The following SPACA1 variants were observed in gnomAD, a reference collection of about 807,000 sequenced individuals.
SPACA1 encodes sperm acrosome membrane-associated protein 1.
SPACA1 carries 17 observed loss-of-function variants against 32.6 expected under a neutral mutation model. The observed-to-expected ratio is 0.52, with a 90% CI of 0.36 to 0.78. The LOEUF is 0.78. SPACA1 is among the 30% of genes least tolerant of loss of function. The pLI, the probability that SPACA1 is intolerant of heterozygous loss-of-function variation, is 0.01. For synonymous variants in SPACA1, 140 were observed against 138.1 expected, an observed-to-expected ratio of 1.01 and a Z score of -0.10; for missense variants, 363 against 373.4, an observed-to-expected ratio of 0.97 and a Z score of 0.23.
At chr6:88,049,169 TGACTAGGAAAGAA>T (rs1462178576) in intron 1 of SPACA1, among the ~76,000 whole-genome samples, 4 of 152,210 alleles carry the variant, frequency 2.6e-5, no homozygotes, top group Non-Finnish European at 4.4e-5. Flanking sequence ...AAAAGAAAGA[TGACTAGGAAAGAA>T]GAGAACACGT....
intron 3 of SPACA1, among the ~76,000 whole-genome samples, chr6:88,058,043 A>T (rs1775836602): frequency 6.6e-6 from 1 of 152,180 alleles, no homozygotes; most frequent in African/African-American, 2.4e-5. Flanking sequence ...GTAGATTGGT[A>T]GACTTTAAAA....
intron 2 of SPACA1, among the ~76,000 whole-genome samples, chr6:88,056,221 G>T (rs1350316407): frequency 6.6e-6 from 1 of 152,002 alleles, no homozygotes; most frequent in Non-Finnish European, 1.5e-5. Flanking sequence ...GGGCGTAGTG[G>T]CACGCGCCTG....
chr6:88,063,998 TTA>T (rs1299821445), intron 5 of SPACA1, 99 bp from the exon 6 acceptor site: 3 of 1,330,640 alleles, frequency 2.3e-6, no homozygotes, highest in Non-Finnish European at 3.0e-6. Flanking sequence ...AAGCATTTCT[TTA>T]TGTTTCTAGA....
chr6:88,066,200 C>T lies in SPACA1; in HGVS notation c.750C>T (p.Phe250=), dbSNP rs769146558. Residue 250 remains phenylalanine (F), a synonymous_variant, in exon 7 of 7, where the codon TTC becomes TTT. Transcript: ENST00000237201. ...IIINWAAVKA[F]WGAKASTPEV... ...CTTCCAGGGCAGCAGTCAAGGCTTT[C>T]TGGGGGGCAAAAGCCTCTACACCTG... The T allele has an allele frequency of 6.3e-7, 1 of 1,587,922 alleles. No individual in the cohort carries two copies. Among genetic ancestry groups the T allele is most frequent in the Admixed American group, 1.7e-5 (1 of 57,498 alleles).
At chr6:88,061,956 C>T (rs1775904414) in intron 5 of SPACA1, among the ~76,000 whole-genome samples, 1 of 152,172 alleles carries the variant, frequency 6.6e-6, no homozygotes, top group Non-Finnish European at 1.5e-5. Flanking sequence ...TCTCCACCCT[C>T]TCTCAGCTAA....
In SPACA1 at chr6:88,048,008, G is replaced by A; in HGVS notation, c.103G>A (p.Ala35Thr). 9 of 1,589,626 alleles carry A rather than the reference G, an allele frequency of 5.7e-6. No individual in the cohort carries two copies. Among genetic ancestry groups the A allele is most frequent in the Non-Finnish European group, 7.7e-6 (9 of 1,170,134 alleles). Residue 35 changes from alanine to threonine, a missense_variant, in exon 1 of 7, where the codon GCC (alanine) becomes ACC (threonine). Ala to Thr is a moderately conservative substitution (Grantham distance 58). Coordinates refer to ENST00000237201, the MANE Select transcript of SPACA1 (RefSeq NM_030960.3). ...CGCGCGCGGGACCAACGTCACCGCT[G>A]CCGTCCAGGATGCCGGCCTGGCCCA... ...QSARGTNVTA[A>T]VQDAGLAHEG... is the part of the protein sequence containing the mutation.
upstream of SPACA1, chr6:88,047,679 G>C (rs971432609): frequency 7.8e-6 from 4 of 513,412 alleles, no homozygotes; most frequent in African/African-American, 2.0e-5. Context: ...CTTGTCGCAC[G>C]CGGCTTCTCG....
At chr6:88,050,619 T>A (rs1056765365) in intron 1 of SPACA1, among the ~76,000 whole-genome samples, 1 of 152,264 alleles carries the variant, frequency 6.6e-6, no homozygotes, top group Non-Finnish European at 1.5e-5. Context: ...TTCTTTTGTA[T>A]CTTCTTGAAA....
At chr6:88,065,362 C>T (rs1205820027) in intron 6 of SPACA1, among the ~76,000 whole-genome samples, 1 of 147,288 alleles carries the variant, frequency 6.8e-6, no homozygotes, top group East Asian at 1.9e-4. Flanking sequence ...ATATTATATA[C>T]AGTATATATT....
Position 88,066,208 on chromosome 6 carries a change from C to T in SPACA1, c.758C>T (p.Ala253Val). ...GCAGCAGTCAAGGCTTTCTGGGGGGCAAAAGCCTCTACACCTGAGGTACAA... is the reference window on the plus strand; with the variant it reads ...GCAGCAGTCAAGGCTTTCTGGGGGGTAAAAGCCTCTACACCTGAGGTACAA... ...NWAAVKAFWG[A>V]KASTPEVQSE... The change falls in exon 7 of 7, where the codon GCA becomes GTA. Residue 253 changes from alanine to valine, a missense_variant. Transcript: ENST00000237201. 6.3e-7 allele frequency: 1 copy of T among 1,598,596 alleles called. No individual in the cohort carries two copies. Among genetic ancestry groups the T allele is most frequent in the African/African-American group, 1.3e-5 (1 of 74,742 alleles).
At chr6:88,048,229 A>G in intron 1 of SPACA1, 116 bp downstream of exon 1, 1 of 1,106,152 alleles carries the variant, frequency 9.0e-7, no homozygotes, top group Non-Finnish European at 1.3e-6. Flanking sequence ...GCTCTCTCTC[A>G]TACTTCAGCC....
chr6:88,062,776 C>T (rs1775915940), intron 5 of SPACA1, among the ~76,000 whole-genome samples: 1 of 152,032 alleles, frequency 6.6e-6, no homozygotes, highest in Non-Finnish European at 1.5e-5. Flanking sequence ...TAGCAAGACC[C>T]CATTTCCTAA....
At chr6:88,064,054 T>C in intron 5 of SPACA1, 45 bp from the exon 6 acceptor site, 1 of 1,560,058 alleles carries the variant, frequency 6.4e-7, no homozygotes. Context: ...ATTCATTTCC[T>C]TTTCCTCAGT....
intron 5 of SPACA1, among the ~76,000 whole-genome samples, chr6:88,061,552 A>C (rs1391220521): frequency 6.6e-6 from 1 of 152,030 alleles, no homozygotes; most frequent in Non-Finnish European, 1.5e-5. Context: ...TGGAGACAAA[A>C]ATTGGAGTTA....
chr6:88,060,301 T>C (rs899426565), intron 5 of SPACA1, among the ~76,000 whole-genome samples: 1 of 152,234 alleles, frequency 6.6e-6, no homozygotes, highest in African/African-American at 2.4e-5. Context: ...TCAAATTTGT[T>C]GTTAGGGATG....
intron 5 of SPACA1, among the ~76,000 whole-genome samples, chr6:88,062,624 A>G (rs1417161830): frequency 2.6e-5 from 4 of 152,150 alleles, no homozygotes; most frequent in Admixed American, 6.6e-5. Flanking sequence ...CTGAAAGAGC[A>G]GAGAGACATG....
At chr6:88,059,417 A>T (rs1290245681) in intron 4 of SPACA1, 36 bp from the exon 5 acceptor site, 1 of 1,535,532 alleles carries the variant, frequency 6.5e-7, no homozygotes, top group South Asian at 1.2e-5. Flanking sequence ...TACATGAAAA[A>T]TGTTGATACT....
rs1290962176 is a variant in SPACA1, at chr6:88,053,884, GGT to G, written c.209-59_209-58del. The G allele has an allele frequency of 9.5e-6, 13 of 1,364,792 alleles. 1 individual carries two copies. The African/African-American group carries it at 1.2e-4, about 12-fold the overall frequency. The allele number at this position is 1,364,792 out of a possible 1,614,324, so 84.5% of individuals were successfully genotyped here. A position where few individuals can be genotyped will look rare whatever the true frequency, so the allele number is the denominator to read the frequency against. On this transcript the variant is annotated intron_variant, in intron 1 of 6. Transcript: ENST00000237201. ...ACATGTCTTTCATCTCCAAGTAAGA[GGT>G]GTTTCACTTAGAAAAGTTTTCATAT...
At chr6:88,054,414 G>A (rs757732651) in intron 2 of SPACA1, among the ~76,000 whole-genome samples, 3 of 152,120 alleles carry the variant, frequency 2.0e-5, no homozygotes, top group Admixed American at 1.3e-4. Context: ...TCCAATTTGC[G>A]TGTCATGTTT....
Sources: gnomAD v4.1 joint callset for allele counts (sites outside exome capture counted in the v4.1 genomes callset) on GRCh38, gnomAD v4.1.1 for gene constraint, MANE v1.5 for transcripts, NCBI Gene and HGNC (gene_info 2026-07-23, HGNC 2026-07-21) for gene names.